Variants in PDE7B observed in about 807,000 individuals in gnomAD.
PDE7B encodes 3',5'-cyclic-AMP phosphodiesterase 7B.
A neutral mutation model predicts 56.2 loss-of-function variants in PDE7B; 29 were observed. The ratio of observed to expected loss-of-function variants is 0.52; its 90% confidence interval spans 0.38 to 0.70. The LOEUF is 0.70. Ranked by LOEUF, PDE7B falls within the 30% of genes least tolerant of loss-of-function variation. The pLI, the probability that PDE7B is intolerant of heterozygous loss-of-function variation, is 0.00. For missense variants in PDE7B, 490 were observed against 565.0 expected (o/e 0.87, Z 1.35); for synonymous variants, 197 against 196.9 (o/e 1.00, Z 0.00).
In PDE7B at chr6:136,183,617, AAG is replaced by A. The variant is rs1486707761; in HGVS notation, c.1045+2296_1045+2297del. On this transcript the variant is annotated intron_variant, in intron 11 of 12. Coordinates refer to ENST00000308191, the MANE Select transcript of PDE7B (RefSeq NM_018945.4). ...TCTCAAAAAAAAAAAAAAAAAGAAA[AAG>A]AAAAAAAAAAGAGTAGATTCCCTGG... Among the ~76,000 whole-genome samples, 23 of 150,274 alleles carry A rather than the reference AAG, an allele frequency of 1.5e-4. No individual in the cohort carries two copies. In the South Asian group the frequency reaches 2.1e-3, roughly 14 times the overall value.
intron 2 of PDE7B, among the ~76,000 whole-genome samples, chr6:136,011,195 C>T (rs868431507): frequency 6.6e-6 from 1 of 152,162 alleles, no homozygotes; most frequent in African/African-American, 2.4e-5. Context: ...CCTCAAAAGA[C>T]TTTATTTTCC....
chr6:136,086,750 C>T (rs1347845713), intron 2 of PDE7B, among the ~76,000 whole-genome samples: 1 of 152,126 alleles, frequency 6.6e-6, no homozygotes, highest in Non-Finnish European at 1.5e-5. Context: ...ACATTTTACT[C>T]AGAAGAAAAA....
At chr6:135,967,172 A>G (rs1182961299) in intron 2 of PDE7B, among the ~76,000 whole-genome samples, 1 of 152,160 alleles carries the variant, frequency 6.6e-6, no homozygotes, top group African/African-American at 2.4e-5. Context: ...GATTCAATTG[A>G]CAGTCTGGAG....
intron 2 of PDE7B, among the ~76,000 whole-genome samples, chr6:136,050,445 C>T (rs764236820): frequency 2.6e-5 from 4 of 151,284 alleles, no homozygotes; most frequent in Admixed American, 6.6e-5. Flanking sequence ...GAGAATTTCA[C>T]CAGGATTGTG....
At chr6:136,069,440 T>C (rs1175584844) in intron 2 of PDE7B, among the ~76,000 whole-genome samples, 2 of 152,308 alleles carry the variant, frequency 1.3e-5, no homozygotes, top group East Asian at 3.9e-4. Context: ...CATCAACAAG[T>C]CCTAATGGTT....
At chr6:135,917,996 T>C (rs990046720) in intron 1 of PDE7B, among the ~76,000 whole-genome samples, 1 of 152,198 alleles carries the variant, frequency 6.6e-6, no homozygotes, top group African/African-American at 2.4e-5. Context: ...TAGAGCTACA[T>C]TGTTGTACCT....
intron 1 of PDE7B, among the ~76,000 whole-genome samples, chr6:135,912,303 A>G (rs1488172113): frequency 6.6e-6 from 1 of 152,240 alleles, no homozygotes; most frequent in Non-Finnish European, 1.5e-5. Context: ...AAATACAACA[A>G]TAAAAAAATA....
intron 2 of PDE7B, among the ~76,000 whole-genome samples, chr6:136,087,787 C>T (rs1484527683): frequency 6.6e-6 from 1 of 152,160 alleles, no homozygotes; most frequent in South Asian, 2.1e-4. Context: ...ACTTTGAGGG[C>T]AGTGTTGTTC....
At chr6:136,154,589 T>C (rs1430502539) in intron 7 of PDE7B, among the ~76,000 whole-genome samples, 2 of 152,284 alleles carry the variant, frequency 1.3e-5, no homozygotes, top group East Asian at 3.9e-4. Flanking sequence ...GAATCAAAGC[T>C]CCTCAAGTCT....
chr6:135,979,789 A>G (rs1775261575), intron 2 of PDE7B, among the ~76,000 whole-genome samples: 1 of 152,160 alleles, frequency 6.6e-6, no homozygotes, highest in Non-Finnish European at 1.5e-5. Context: ...TCAAGGAAAT[A>G]AAAGAGGATA....
At chr6:135,972,946 CAT>C (rs1197880084) in intron 2 of PDE7B, among the ~76,000 whole-genome samples, 2 of 152,132 alleles carry the variant, frequency 1.3e-5, no homozygotes, top group Admixed American at 6.5e-5. Context: ...ATTTTTGTAA[CAT>C]ATTCTATTTT....
chr6:135,916,362 G>T (rs1773940012), intron 1 of PDE7B, among the ~76,000 whole-genome samples: 1 of 136,190 alleles, frequency 7.3e-6, no homozygotes, highest in Non-Finnish European at 1.6e-5. Context: ...CAAGTCTTTT[G>T]CCCTTTTTTT....
At chr6:135,933,965 G>A (rs192042476) in intron 1 of PDE7B, among the ~76,000 whole-genome samples, 2 of 152,164 alleles carry the variant, frequency 1.3e-5, no homozygotes, top group Non-Finnish European at 2.9e-5. Flanking sequence ...CCAATGATTT[G>A]GGATTGATTT....
intron 6 of PDE7B, 87 bp downstream of exon 6, chr6:136,151,342 T>C: frequency 1.4e-6 from 1 of 698,852 alleles, no homozygotes; most frequent in Non-Finnish European, 2.6e-6. Context: ...GTAAGATCCA[T>C]AGGATGATAG....
intron 1 of PDE7B, among the ~76,000 whole-genome samples, chr6:135,876,264 T>C (rs988962940): frequency 2.6e-5 from 4 of 151,768 alleles, no homozygotes; most frequent in African/African-American, 9.7e-5. Flanking sequence ...GGGGAGAGAG[T>C]GGCCTCCGCA....
intron 1 of PDE7B, among the ~76,000 whole-genome samples, chr6:135,926,461 T>C (rs1330257641): frequency 6.6e-6 from 1 of 151,032 alleles, no homozygotes; most frequent in Non-Finnish European, 1.5e-5. Flanking sequence ...GGACAAAGGG[T>C]GTGGTCTAAT....
chr6:135,957,508 C>T (rs1035259038), intron 2 of PDE7B, among the ~76,000 whole-genome samples: 2 of 152,088 alleles, frequency 1.3e-5, no homozygotes, highest in African/African-American at 2.4e-5. Context: ...AACTGCTTCC[C>T]GGTCCTTTCC....
At chr6:136,085,999 G>GCTTTATTGGCCAAGTTTTA (rs1777286368) in intron 2 of PDE7B, among the ~76,000 whole-genome samples, 1 of 152,100 alleles carries the variant, frequency 6.6e-6, no homozygotes, top group African/African-American at 2.4e-5. Flanking sequence ...TTACGGTTTT[G>GCTTTATTGGCCAAGTTTTA]CTTTATTGGC....
chr6:136,031,386 C>G (rs1354264919), intron 2 of PDE7B, among the ~76,000 whole-genome samples: 1 of 152,178 alleles, frequency 6.6e-6, no homozygotes, highest in Non-Finnish European at 1.5e-5. Context: ...TTTGAGAAGC[C>G]TTGATCTAGA....
Sources: allele counts gnomAD v4.1 joint callset (sites outside exome capture counted in the v4.1 genomes callset), GRCh38; gene constraint gnomAD v4.1.1; transcripts MANE v1.5; gene names NCBI Gene and HGNC (gene_info 2026-07-23, HGNC 2026-07-21).